Variants in UGT1A8 observed in about 807,000 individuals in gnomAD.
The protein encoded by UGT1A8 is UDP-glucuronosyltransferase 1A8.
In UGT1A8, 39 loss-of-function variants were observed where a neutral mutation model predicts 45.3. That is an observed-to-expected ratio of 0.86 (90% CI 0.67 to 1.12). The LOEUF (loss-of-function observed/expected upper bound fraction) is 1.12. Ranked by LOEUF, UGT1A8 falls within the 50% of genes most tolerant of loss-of-function variation. The pLI is 0.00. For synonymous variants in UGT1A8, 275 were observed against 249.2 expected (o/e 1.10, Z -0.97); for missense variants, 719 against 664.9 (o/e 1.08, Z -0.90).
At chr2:233,737,717 C>A (rs2078914941) in intron 1 of UGT1A8, among the ~76,000 whole-genome samples, 1 of 152,178 alleles carries the variant, frequency 6.6e-6, no homozygotes, top group South Asian at 2.1e-4. Flanking sequence ...CTCTCCAACA[C>A]CTCCTTTTTT....
intron 1 of UGT1A8, chr2:233,636,552 T>C: frequency 6.2e-7 from 1 of 1,614,116 alleles, no homozygotes; most frequent in African/African-American, 1.3e-5. Context: ...CCAGCCCCGT[T>C]CCTTTATGTG....
At chr2:233,747,351 G>A (rs1693640886) in intron 1 of UGT1A8, 1 of 1,603,176 alleles carries the variant, frequency 6.2e-7, no homozygotes, top group Non-Finnish European at 8.5e-7. Context: ...CATGCGGGAG[G>A]CCGTGCGGGA....
intron 1 of UGT1A8, among the ~76,000 whole-genome samples, chr2:233,759,843 C>CA (rs1240131722): frequency 1.3e-5 from 2 of 152,184 alleles, no homozygotes; most frequent in African/African-American, 4.8e-5. Flanking sequence ...GGCACTCTTA[C>CA]AGGTTTCCAT....
chr2:233,675,530 C>G (rs903544612), intron 1 of UGT1A8, among the ~76,000 whole-genome samples: 2 of 152,106 alleles, frequency 1.3e-5, no homozygotes, highest in African/African-American at 2.4e-5. Context: ...GTGCTTCCCC[C>G]CTTGCTGTAA....
rs192671736 is a variant in UGT1A8, at chr2:233,743,440, G to T, written c.856-23594G>T. 5.4e-5 allele frequency: 74 copies of T among 1,361,822 alleles called. 1 individual carries two copies. The African/African-American group carries it at 9.7e-4, about 18-fold the overall frequency. The allele number at this position is 1,361,822 out of a possible 1,614,324, so 84.4% of individuals were successfully genotyped here. A position where few individuals can be genotyped will look rare whatever the true frequency, so the allele number is the denominator to read the frequency against. Reference sequence around the variant, plus strand: ...CAGGGAGCCAAAGGAACGAAATCCTGTATCAAAAGAAGAAAAAACACCCCC... The same window carrying T: ...CAGGGAGCCAAAGGAACGAAATCCTTTATCAAAAGAAGAAAAAACACCCCC... On this transcript the variant is annotated intron_variant, in intron 1 of 4. Transcript: ENST00000373450.
At chr2:233,763,682 G>T (rs17864705) in intron 1 of UGT1A8, among the ~76,000 whole-genome samples, 10,348 of 152,178 alleles carry the variant, frequency 0.068, 497 homozygotes, top group East Asian at 0.2. Context: ...TAAGAATAAA[G>T]ATAAAACTTT....
chr2:233,647,856 A>T (rs2073642416), intron 1 of UGT1A8: 1 of 1,305,334 alleles, frequency 7.7e-7, no homozygotes, highest in African/African-American at 1.5e-5. Context: ...GGTTTTCTCC[A>T]TTGTTTTTCT....
rs17862855 is a variant in UGT1A8, at chr2:233,664,443, T to C, written c.855+45881T>C. ...CATTACGTTGCCATAAAGGAATGCC[T>C]GAGACTGGGTAATTTATAAATAAAA... is the stretch of plus-strand genomic sequence containing the variant. On this transcript the variant is annotated intron_variant, in intron 1 of 4. Coordinates refer to ENST00000373450, the MANE Select transcript of UGT1A8 (RefSeq NM_019076.5). Among the ~76,000 whole-genome samples, 1,122 of 152,308 alleles carry C rather than the reference T, an allele frequency of 7.4e-3. 7 individuals carry two copies. Among genetic ancestry groups the C allele is most frequent in the Non-Finnish European group, 0.014 (932 of 68,016 alleles).
In UGT1A8 at chr2:233,772,456, T is replaced by A; in HGVS notation, c.1490T>A (p.Leu497Gln). The A allele has an allele frequency of 6.2e-7, 1 of 1,614,218 alleles. No homozygotes were observed. The highest frequency in any genetic ancestry group is 8.5e-7 in the Non-Finnish European group (1 of 1,180,044). Residue 497 changes from leucine to glutamine, a missense_variant, in exon 5 of 5, where the codon CTG (leucine) becomes CAG (glutamine). Leu to Gln is a moderately radical substitution (Grantham distance 113). Coordinates refer to ENST00000373450, the MANE Select transcript of UGT1A8 (RefSeq NM_019076.5). ...ATTGGTTTCCTCTTGGCCGTCGTGC[T>A]GACAGTGGCCTTCATCACCTTTAAA... is the stretch of plus-strand genomic sequence containing the variant. ...DVIGFLLAVV[L>Q]TVAFITFKCC...
At chr2:233,726,988 C>A (rs926323067) in intron 1 of UGT1A8, among the ~76,000 whole-genome samples, 1 of 152,120 alleles carries the variant, frequency 6.6e-6, no homozygotes, top group Non-Finnish European at 1.5e-5. Context: ...TGATGAGGTT[C>A]TTTCTAGCAA....
intron 1 of UGT1A8, among the ~76,000 whole-genome samples, chr2:233,687,736 C>G (rs148067936): frequency 1.6e-3 from 236 of 152,066 alleles, no homozygotes; most frequent in African/African-American, 5.5e-3. Context: ...GACACTGTCT[C>G]TACAAAAAAT....
chr2:233,668,422 A>AT (rs2074120611), intron 1 of UGT1A8, among the ~76,000 whole-genome samples: 1 of 152,196 alleles, frequency 6.6e-6, no homozygotes, highest in Non-Finnish European at 1.5e-5. Context: ...TCCATGGTGT[A>AT]TATGTGCCAC....
At chr2:233,643,259 A>C (rs2073505469) in intron 1 of UGT1A8, among the ~76,000 whole-genome samples, 1 of 152,262 alleles carries the variant, frequency 6.6e-6, no homozygotes, top group South Asian at 2.1e-4. Flanking sequence ...CTGGCACTCA[A>C]ACCACAAGAT....
chr2:233,717,658 A>G (rs1214490027), intron 1 of UGT1A8: 1 of 409,022 alleles, frequency 2.4e-6, no homozygotes, highest in Non-Finnish European at 5.0e-6. Flanking sequence ...ACAAGGAAGC[A>G]TCAGCAATCT....
chr2:233,662,355 T>G (rs900986568), intron 1 of UGT1A8, among the ~76,000 whole-genome samples: 1 of 152,226 alleles, frequency 6.6e-6, no homozygotes, highest in Non-Finnish European at 1.5e-5. Context: ...GTTTTTCAAT[T>G]TGTTGCAAAT....
At chr2:233,620,043 T>C (rs1045549248) in intron 1 of UGT1A8, among the ~76,000 whole-genome samples, 2 of 152,178 alleles carry the variant, frequency 1.3e-5, no homozygotes, top group African/African-American at 4.8e-5. Context: ...TATTATTTTA[T>C]TAGGGATGGA....
chr2:233,761,925 G>C (rs1697902891), intron 1 of UGT1A8, among the ~76,000 whole-genome samples: 1 of 152,224 alleles, frequency 6.6e-6, no homozygotes, highest in Admixed American at 6.5e-5. Flanking sequence ...GGCAGCCCAG[G>C]CACTTCCCAG....
intron 1 of UGT1A8, among the ~76,000 whole-genome samples, chr2:233,662,237 T>C (rs760039043): frequency 2.6e-5 from 4 of 152,348 alleles, no homozygotes; most frequent in Admixed American, 6.5e-5. Flanking sequence ...TATAATATGG[T>C]AGTAAATGAT....
Position 233,760,623 on chromosome 2 carries a change from A to G in UGT1A8, c.856-6411A>G, listed in dbSNP as rs181505697. ...CTTTCCTGCAGCGTGTGATCAAAAC[A>G]TACAAGAAAATAAAAAAGGACTCTG... On this transcript the variant is annotated intron_variant, in intron 1 of 4. Transcript: ENST00000373450. 5 of 1,614,198 alleles carry G rather than the reference A, an allele frequency of 3.1e-6. No homozygotes were observed. In the African/African-American group the frequency reaches 6.7e-5, roughly 22 times the overall value.
Sources: allele counts gnomAD v4.1 joint callset (sites outside exome capture counted in the v4.1 genomes callset), GRCh38; gene constraint gnomAD v4.1.1; transcripts MANE v1.5; gene names NCBI Gene and HGNC (gene_info 2026-07-23, HGNC 2026-07-21).